SLC37A1: variants seen among roughly 807,000 people sequenced by gnomAD.
The protein encoded by SLC37A1 is solute carrier family 37 member 1.
Under a neutral mutation model 75.3 loss-of-function variants are expected in SLC37A1, and 49 were observed. The observed-to-expected ratio is 0.65, with a 90% confidence interval of 0.52 to 0.83. SLC37A1 has a LOEUF of 0.83. SLC37A1 is among the 40% of genes least tolerant of loss of function. SLC37A1 has a pLI of 0.00. For synonymous variants in SLC37A1, 268 were observed against 292.1 expected, an observed-to-expected ratio of 0.92 and a Z score of 0.84; for missense variants, 566 against 695.0, an observed-to-expected ratio of 0.81 and a Z score of 2.09.
chr21:42,519,866 C>T (rs2054602517), intron 2 of SLC37A1, among the ~76,000 whole-genome samples: 1 of 152,186 alleles, frequency 6.6e-6, no homozygotes. Flanking sequence ...ACTCACGTAA[C>T]TTACTAACAT....
chr21:42,539,774 G>T, intron 6 of SLC37A1, 127 bp downstream of exon 6: 1 of 929,814 alleles, frequency 1.1e-6, no homozygotes, highest in South Asian at 2.3e-5. Context: ...CGGAAGTCAG[G>T]GTCAGCTGAC....
At chr21:42,513,202 A>G (rs2054457233), upstream of SLC37A1, among the ~76,000 whole-genome samples, 1 of 151,642 alleles carries the variant, frequency 6.6e-6, no homozygotes, top group African/African-American at 2.4e-5. Context: ...GCCTAAGGAG[A>G]AGAGTTGTTT....
At chr21:42,572,458 C>T (rs2056199020) in intron 17 of SLC37A1, among the ~76,000 whole-genome samples, 1 of 151,954 alleles carries the variant, frequency 6.6e-6, no homozygotes, top group Non-Finnish European at 1.5e-5. Context: ...CTTCAACTTT[C>T]CTTTCTTTCT....
intron 10 of SLC37A1, among the ~76,000 whole-genome samples, chr21:42,554,996 T>C (rs2055651550): frequency 6.7e-6 from 1 of 149,574 alleles, no homozygotes; most frequent in African/African-American, 2.5e-5. Flanking sequence ...TTTTTTTTTT[T>C]TTTTTTTGAG....
At chr21:42,507,717 G>T (rs888751458) in intron 2 of SLC37A1, among the ~76,000 whole-genome samples, 3 of 152,190 alleles carry the variant, frequency 2.0e-5, no homozygotes, top group African/African-American at 7.2e-5. Context: ...GCCTCACATA[G>T]TGAGAGGGGA....
At chr21:42,571,934 C>T (rs548084449) in intron 17 of SLC37A1, among the ~76,000 whole-genome samples, 16 of 152,286 alleles carry the variant, frequency 1.1e-4, no homozygotes, top group Non-Finnish European at 1.9e-4. Flanking sequence ...GGCCCCAGAG[C>T]ACCTGTCACC....
intron 2 of SLC37A1, among the ~76,000 whole-genome samples, chr21:42,525,190 T>G (rs986348445): frequency 1.8e-4 from 28 of 152,246 alleles, no homozygotes; most frequent in South Asian, 8.3e-4. Flanking sequence ...GTATGTATTC[T>G]TTGTAACATC....
intron 3 of SLC37A1, among the ~76,000 whole-genome samples, chr21:42,533,869 C>T (rs2055061849): frequency 6.6e-6 from 1 of 152,230 alleles, no homozygotes; most frequent in African/African-American, 2.4e-5. Context: ...CCCCTCCTCC[C>T]ACCTCCCAGA....
intron 6 of SLC37A1, among the ~76,000 whole-genome samples, chr21:42,540,871 A>C (rs1192632334): frequency 6.6e-6 from 1 of 152,270 alleles, no homozygotes; most frequent in Non-Finnish European, 1.5e-5. Context: ...ATAGAAAATT[A>C]GAAGGGAGGA....
At chr21:42,515,290 AAAG>A (rs765086026) in intron 1 of SLC37A1, among the ~76,000 whole-genome samples, 2 of 152,352 alleles carry the variant, frequency 1.3e-5, no homozygotes, top group Middle Eastern at 3.4e-3. Flanking sequence ...AAAAAAAAGA[AAAG>A]AAAAAATGCA....
In SLC37A1 at chr21:42,573,331, T is replaced by C. The variant is rs556101988; in HGVS notation, c.1424-1487T>C. Among the ~76,000 whole-genome samples, 14 of 90,214 alleles carry C rather than the reference T, an allele frequency of 1.6e-4. No homozygotes were observed. The Admixed American group carries it at 1.8e-3, about 12-fold the overall frequency. The allele number at this position is 90,214 out of a possible 152,430, so 59.2% of individuals were successfully genotyped here. ...CTTCCGTTCCCACTGCGTTCCTCCTTCCTTGCCTTCCCCTCCCCTGTCTCT... is the reference window on the plus strand; with the variant it reads ...CTTCCGTTCCCACTGCGTTCCTCCTCCCTTGCCTTCCCCTCCCCTGTCTCT... On this transcript the variant is annotated intron_variant, in intron 17 of 19. Transcript: ENST00000352133.
chr21:42,518,329 T>C lies in SLC37A1; in HGVS notation c.-126T>C, dbSNP rs1294113220. The C allele has an allele frequency of 6.5e-6, 8 of 1,235,104 alleles. No homozygotes were observed. Among genetic ancestry groups the C allele is most frequent in the East Asian group, 2.4e-5 (1 of 42,114 alleles). 76.5% of individuals were successfully genotyped at this position (1,235,104 alleles called of 1,614,324 possible). ...GGACAAGACCCAGCAGGACACCTTC[T>C]TTCCACGCTTTCCAGCCTGTGGGAG... On this transcript the variant is annotated 5_prime_UTR_variant, in exon 2 of 20. Coordinates refer to ENST00000352133, the MANE Select transcript of SLC37A1 (RefSeq NM_001320537.2).
chr21:42,561,522 T>G, intron 11 of SLC37A1: 1 of 158,302 alleles, frequency 6.3e-6, no homozygotes, highest in Non-Finnish European at 1.4e-5. Flanking sequence ...GGCTTGATAA[T>G]GTACAATGAT....
intron 10 of SLC37A1, among the ~76,000 whole-genome samples, chr21:42,555,986 A>G (rs775805849): frequency 2.6e-5 from 4 of 152,152 alleles, no homozygotes; most frequent in African/African-American, 9.7e-5. Flanking sequence ...CCTTTCCCAG[A>G]GTGACCGCTG....
upstream of SLC37A1, among the ~76,000 whole-genome samples, chr21:42,509,906 T>C (rs3788017): frequency 0.8 from 121,838 of 152,154 alleles, 49,285 homozygotes; most frequent in Admixed American, 0.83. This position sits in a 1 kb window ranked among gnomAD's most constrained non-coding sequence, Gnocchi z 4.2. Context: ...GCCCAGTATC[T>C]TCAAAGCCCC....
At chr21:42,507,273 GA>G (rs112525319) in intron 2 of SLC37A1, among the ~76,000 whole-genome samples, 33,039 of 152,198 alleles carry the variant, frequency 0.22, 3,756 homozygotes, top group Non-Finnish European at 0.26. Context: ...TTAACCATAA[GA>G]GTTAAAACTA....
At chr21:42,569,845 C>T (rs563277444) in intron 17 of SLC37A1, among the ~76,000 whole-genome samples, 8 of 152,246 alleles carry the variant, frequency 5.3e-5, no homozygotes, top group East Asian at 3.8e-4. Context: ...GAATCGCAGC[C>T]GGGGCCCAGG....
intron 1 of SLC37A1, among the ~76,000 whole-genome samples, chr21:42,515,202 A>G (rs2054500504): frequency 6.6e-6 from 1 of 152,142 alleles, no homozygotes; most frequent in African/African-American, 2.4e-5. Context: ...CATCTTTAAT[A>G]TGGAAAGCGC....
chr21:42,565,166 G>A (rs1478108056), intron 14 of SLC37A1, among the ~76,000 whole-genome samples: 4 of 152,206 alleles, frequency 2.6e-5, no homozygotes, highest in South Asian at 2.1e-4. Flanking sequence ...CAGGCATTTC[G>A]TAGCTCCTGA....
Sources: allele counts gnomAD v4.1 joint callset (sites outside exome capture counted in the v4.1 genomes callset), GRCh38; gene constraint gnomAD v4.1.1; non-coding constraint Gnocchi (gnomAD v3.1); transcripts MANE v1.5; gene names NCBI Gene and HGNC (gene_info 2026-07-23, HGNC 2026-07-21).